The following INSC variants were observed in gnomAD, a reference collection of about 807,000 sequenced individuals.
The protein encoded by INSC is protein inscuteable homolog.
Under a neutral mutation model 58.6 loss-of-function variants are expected in INSC, and 67 were observed. The ratio of observed to expected loss-of-function variants is 1.14; its 90% CI spans 0.94 to 1.40. INSC has a LOEUF of 1.40. Ranked by LOEUF, INSC falls within the 40% of genes most tolerant of loss-of-function variation. INSC has a pLI of 0.00. For missense variants in INSC, 714 were observed against 692.0 expected (o/e 1.03, Z -0.36); for synonymous variants, 262 against 276.1 (o/e 0.95, Z 0.51).
chr11:15,235,693 GT>G, intron 10 of INSC, 25 bp downstream of exon 10: 1 of 1,583,654 alleles, frequency 6.3e-7, no homozygotes, highest in Non-Finnish European at 8.7e-7. Context: ...CATTGTACAT[GT>G]TATGTGGATT....
At chr11:15,225,566 C>T (rs1851600519) in intron 8 of INSC, 84 bp from the exon 9 acceptor site, 1 of 1,367,044 alleles carries the variant, frequency 7.3e-7, no homozygotes, top group African/African-American at 1.4e-5. Context: ...AAACGATCTC[C>T]CAGAGGTATT....
rs546165845 is a variant in INSC at position 15,230,176 on chromosome 11, C to A, written c.1170+4348C>A. 2.7e-5 allele frequency among the ~76,000 whole-genome samples: 4 copies of A among 146,826 alleles called. No individual in the cohort carries two copies. In the East Asian group the frequency reaches 5.9e-4, roughly 22 times the overall value. On this transcript the variant is annotated intron_variant, in intron 9 of 12. Coordinates refer to ENST00000379556, the MANE Select transcript of INSC (RefSeq NM_001042536.3). ...CTGTACTCCAGCCTGGATGATAGAG[C>A]CAGACCTTGTCTCAAAAATAAAAAT...
intron 5 of INSC, among the ~76,000 whole-genome samples, chr11:15,183,193 T>TA (rs1489046746): frequency 6.6e-6 from 1 of 151,206 alleles, no homozygotes; most frequent in Non-Finnish European, 1.5e-5. Flanking sequence ...ACTAAAAATA[T>TA]AAAAAAAATT....
At position 15,200,892 on chromosome 11, in the gene INSC, G is replaced by A. The variant is rs758254925; in HGVS notation, c.762G>A (p.Ala254=). The A allele has an allele frequency of 3.4e-5, 55 of 1,613,580 alleles. No individual in the cohort carries two copies. The highest frequency in any genetic ancestry group is 1.7e-4 in the Middle Eastern group (1 of 5,930). ...QDSFRCLYPQ[A]LRTLASICCV... is the part of the protein sequence containing the mutation. The stretch of plus-strand genomic sequence containing the variant: ...GTTTCCGGTGCTTGTACCCCCAGGC[G>A]CTCCGCACGCTGGCCTCCATCTGCT... Residue 254 remains alanine, a synonymous_variant, in exon 7 of 13, where the codon GCG becomes GCA. Transcript: ENST00000379556.
intron 2 of INSC, among the ~76,000 whole-genome samples, chr11:15,153,953 G>C (rs1848729827): frequency 6.6e-6 from 1 of 152,192 alleles, no homozygotes; most frequent in South Asian, 2.1e-4. Context: ...TAGAAGCTCT[G>C]TGTCCCCACT....
Position 15,114,927 on chromosome 11 carries a change from T to A in INSC, c.-122T>A. ...GGCTGGGCCGGCAGAGCGGCCACTT[T>A]GCGCGCGGCCTCTGGAGCTCCAGCT... On this transcript the variant is annotated 5_prime_UTR_variant, in exon 1 of 13. Coordinates refer to ENST00000379556, the MANE Select transcript of INSC (RefSeq NM_001042536.3). 1 of 985,398 alleles carries A rather than the reference T, an allele frequency of 1.0e-6. No individual in the cohort carries two copies. Among genetic ancestry groups the A allele is most frequent in the South Asian group, 4.7e-5 (1 of 21,282 alleles). 61.0% of individuals were successfully genotyped at this position (985,398 alleles called of 1,614,324 possible).
At chr11:15,253,488 C>G in the INSC span, among the ~76,000 whole-genome samples, 1 of 152,090 alleles carries the variant, frequency 6.6e-6, no homozygotes, top group East Asian at 1.9e-4. Flanking sequence ...CCCTTCAACG[C>G]TATCTTTTTG....
At chr11:15,236,009 T>C (rs954215777) in intron 10 of INSC, among the ~76,000 whole-genome samples, 2 of 135,176 alleles carry the variant, frequency 1.5e-5, no homozygotes, top group African/African-American at 5.7e-5. Context: ...TGAGCTGAGA[T>C]CACGCCATTG....
chr11:15,183,734 G>A (rs2133844711), intron 5 of INSC, among the ~76,000 whole-genome samples: 2 of 152,280 alleles, frequency 1.3e-5, no homozygotes, highest in East Asian at 1.9e-4. Flanking sequence ...AAAGGTTAAT[G>A]ACACTGATTC....
intron 10 of INSC, among the ~76,000 whole-genome samples, chr11:15,238,660 A>G (rs542567479): frequency 6.6e-6 from 1 of 152,238 alleles, no homozygotes; most frequent in Middle Eastern, 3.2e-3. Flanking sequence ...CTGAGTGTGT[A>G]GTAAAAGCTC....
At chr11:15,149,847 C>T (rs1848595272) in intron 2 of INSC, among the ~76,000 whole-genome samples, 1 of 152,146 alleles carries the variant, frequency 6.6e-6, no homozygotes, top group African/African-American at 2.4e-5. Context: ...CTCTCTCTCT[C>T]CCACTTGCAA....
intron 9 of INSC, among the ~76,000 whole-genome samples, chr11:15,233,016 G>T (rs1237725978): frequency 6.6e-6 from 1 of 152,186 alleles, no homozygotes; most frequent in East Asian, 1.9e-4. Flanking sequence ...GCGATAATTT[G>T]TTATAGCAGC....
rs201683004 is a variant in INSC at position 15,233,661 on chromosome 11, G to A, written c.1171-1941G>A. 1.2e-4 allele frequency among the ~76,000 whole-genome samples: 19 copies of A among 152,154 alleles called. No individual in the cohort carries two copies. The East Asian group carries it at 1.7e-3, about 14-fold the overall frequency. ...ATTACTGTGTAATGAACCCGTTGCC[G>A]CAGACAAAGATTTCCTTTTCTTTTC... On this transcript the variant is annotated intron_variant, in intron 9 of 12. Coordinates refer to ENST00000379556, the MANE Select transcript of INSC (RefSeq NM_001042536.3).
At chr11:15,261,786 C>A in the INSC span, among the ~76,000 whole-genome samples, 1 of 152,052 alleles carries the variant, frequency 6.6e-6, no homozygotes, top group South Asian at 2.1e-4. Flanking sequence ...TGGGGTAGAG[C>A]TCTCAGAAAA....
chr11:15,201,848 CA>C (rs1850606130), intron 7 of INSC, among the ~76,000 whole-genome samples: 1 of 152,188 alleles, frequency 6.6e-6, no homozygotes, highest in African/African-American at 2.4e-5. Flanking sequence ...GGACAGGGGC[CA>C]GCAAACTGCT....
chr11:15,235,691 A>G (rs765528584), intron 10 of INSC, 23 bp downstream of exon 10: 1 of 1,587,336 alleles, frequency 6.3e-7, no homozygotes, highest in African/African-American at 1.4e-5. Flanking sequence ...AGCATTGTAC[A>G]TGTTATGTGG....
At chr11:15,203,933 C>T (rs897565978) in intron 7 of INSC, among the ~76,000 whole-genome samples, 2 of 151,974 alleles carry the variant, frequency 1.3e-5, no homozygotes, top group East Asian at 3.9e-4. Flanking sequence ...TTTATTAGAA[C>T]ACAGCTACAC....
chr11:15,229,917 TA>T lies in INSC; in HGVS notation c.1170+4092del, dbSNP rs1159311213. Among the ~76,000 whole-genome samples, 182 of 107,524 alleles carry T rather than the reference TA, an allele frequency of 1.7e-3. 2 individuals carry two copies. The highest frequency in any genetic ancestry group is 2.8e-3 in the Non-Finnish European group (154 of 54,104). 70.5% of individuals were successfully genotyped at this position (107,524 alleles called of 152,430 possible). ...TATAAAAAACATTTTTATATATATA[TA>T]AATTTTTTATATATTATATATATAT... On this transcript the variant is annotated intron_variant, in intron 9 of 12. Transcript: ENST00000379556.
At chr11:15,122,891 G>A (rs1349660725) in intron 1 of INSC, among the ~76,000 whole-genome samples, 1 of 152,102 alleles carries the variant, frequency 6.6e-6, no homozygotes, top group African/African-American at 2.4e-5. Context: ...TTCCTTAAAA[G>A]TACATTAGTT....
Sources: allele counts gnomAD v4.1 joint callset (sites outside exome capture counted in the v4.1 genomes callset), GRCh38; gene constraint gnomAD v4.1.1; transcripts MANE v1.5; gene names NCBI Gene and HGNC (gene_info 2026-07-23, HGNC 2026-07-21).